The following GFRA1 variants were observed in gnomAD, a reference collection of about 807,000 sequenced individuals.
GFRA1 encodes GDNF family receptor alpha 1.
A neutral mutation model predicts 51.6 loss-of-function variants in GFRA1; 16 were observed. That is an observed-to-expected ratio of 0.31 (90% CI 0.21 to 0.47). GFRA1 has a LOEUF of 0.47. Among genes scored for constraint, GFRA1 ranks in the 20% least tolerant of loss-of-function variants. The pLI is 1.00. For missense variants in GFRA1, 530 were observed against 594.3 expected, an observed-to-expected ratio of 0.89 and a Z score of 1.13; for synonymous variants, 270 against 241.3, an observed-to-expected ratio of 1.12 and a Z score of -1.10.
chr10:116,195,245 A>T (rs1194451056), intron 5 of GFRA1, among the ~76,000 whole-genome samples: 1 of 152,140 alleles, frequency 6.6e-6, no homozygotes, highest in Non-Finnish European at 1.5e-5. Context: ...TTAACTTAGC[A>T]CTATCTTTTT....
chr10:116,104,570 C>T (rs1355472643), intron 6 of GFRA1, among the ~76,000 whole-genome samples: 1 of 152,224 alleles, frequency 6.6e-6, no homozygotes, highest in Non-Finnish European at 1.5e-5. Flanking sequence ...CCTTGGGTAT[C>T]TCTGCAGGTT....
Position 116,093,855 on chromosome 10 carries a change from G to A in GFRA1, c.881-19C>T, listed in dbSNP as rs752475464. ...ACTGTGCCTAAAAGAATAAAAACAA[G>A]GCATTTTATTGTTGTATGATGATAC... On this transcript the variant is annotated intron_variant, in intron 7 of 10. Transcript: ENST00000355422. 6.2e-7 allele frequency: 1 copy of A among 1,612,830 alleles called. No individual in the cohort carries two copies. Among genetic ancestry groups the A allele is most frequent in the South Asian group, 1.1e-5 (1 of 91,048 alleles).
intron 6 of GFRA1, among the ~76,000 whole-genome samples, chr10:116,106,977 T>G (rs1018831054): frequency 6.6e-6 from 1 of 152,216 alleles, no homozygotes; most frequent in Non-Finnish European, 1.5e-5. Flanking sequence ...CTTTGCCTAC[T>G]GCCATGATTA....
At chr10:116,236,896 CAAT>C (rs1024407595) in intron 4 of GFRA1, among the ~76,000 whole-genome samples, 2 of 152,176 alleles carry the variant, frequency 1.3e-5, no homozygotes, top group African/African-American at 4.8e-5. Context: ...ACCAGGACAA[CAAT>C]AATAGCAAAA....
chr10:116,079,076 G>T (rs927938476), intron 9 of GFRA1, among the ~76,000 whole-genome samples: 1 of 151,964 alleles, frequency 6.6e-6, no homozygotes, highest in African/African-American at 2.4e-5. Context: ...ATCATCCAGC[G>T]CGCTGGATGC....
chr10:116,080,025 A>T (rs1377754565), intron 9 of GFRA1, among the ~76,000 whole-genome samples: 1 of 152,112 alleles, frequency 6.6e-6, no homozygotes, highest in Non-Finnish European at 1.5e-5. Context: ...CCATAAAGCA[A>T]TGCCTCCTGA....
rs1471678205 is a variant in GFRA1, at chr10:116,058,419, T to C, written c.*5979A>G. ...TGACTTCCCCGCCGCTGTGCCTACC[T>C]GGCCAAGCTCATGGCCCTCTGAGGC... On this transcript the variant is annotated 3_prime_UTR_variant, in exon 11 of 11. Transcript: ENST00000355422. 1 of 152,318 alleles carries C rather than the reference T, an allele frequency of 6.6e-6. No homozygotes were observed. Among genetic ancestry groups the C allele is most frequent in the Non-Finnish European group, 1.5e-5 (1 of 68,146 alleles). 9.4% of individuals were successfully genotyped at this position (152,318 alleles called of 1,614,324 possible).
intron 5 of GFRA1, among the ~76,000 whole-genome samples, chr10:116,170,671 A>C (rs1163782531): frequency 6.6e-6 from 1 of 152,236 alleles, no homozygotes; most frequent in African/African-American, 2.4e-5. Context: ...GCTCAGATTC[A>C]ATTCTCCAAT....
rs559956268 is a variant in GFRA1, at chr10:116,206,710, G to A, written c.433+4921C>T. On this transcript the variant is annotated intron_variant, in intron 5 of 10. Coordinates refer to ENST00000355422, the MANE Select transcript of GFRA1 (RefSeq NM_005264.8). ...TGCAGCCGCGCGATCTCGGCTCACT[G>A]CAAGCTCCGCCTCCCGGGTTCACGC... 1.4e-3 allele frequency among the ~76,000 whole-genome samples: 197 copies of A among 139,384 alleles called. 1 individual carries two copies. Among genetic ancestry groups the A allele is most frequent in the African/African-American group, 5.0e-3 (186 of 37,334 alleles). 91.4% of individuals were successfully genotyped at this position (139,384 alleles called of 152,430 possible). A position where few individuals can be genotyped will look rare whatever the true frequency, so the allele number is the denominator to read the frequency against.
intron 6 of GFRA1, among the ~76,000 whole-genome samples, chr10:116,102,868 C>A (rs1369102406): frequency 6.6e-6 from 1 of 152,198 alleles, no homozygotes; most frequent in Non-Finnish European, 1.5e-5. Flanking sequence ...AACTTTGGGA[C>A]AGGATCCCCT....
At chr10:116,228,455 C>T (rs917824088) in intron 4 of GFRA1, among the ~76,000 whole-genome samples, 1 of 152,140 alleles carries the variant, frequency 6.6e-6, no homozygotes, top group Admixed American at 6.5e-5. Context: ...ATGTTCTAAT[C>T]CCTGGAATCT....
chr10:116,212,948 A>C (rs1046707512), intron 4 of GFRA1, among the ~76,000 whole-genome samples: 1 of 151,932 alleles, frequency 6.6e-6, no homozygotes, highest in Non-Finnish European at 1.5e-5. Context: ...CCTCCCACTC[A>C]CTCCAAAAGT....
intron 5 of GFRA1, among the ~76,000 whole-genome samples, chr10:116,140,799 T>A (rs2134091113): frequency 6.6e-6 from 1 of 152,228 alleles, no homozygotes; most frequent in East Asian, 1.9e-4. Context: ...AGAAAGGAAA[T>A]TATAAATGTG....
intron 5 of GFRA1, among the ~76,000 whole-genome samples, chr10:116,139,582 C>G (rs1017252974): frequency 2.0e-5 from 3 of 152,246 alleles, no homozygotes; most frequent in African/African-American, 7.2e-5. Flanking sequence ...CCGCTTTGTG[C>G]CTGGAGAGAT....
intron 9 of GFRA1, among the ~76,000 whole-genome samples, chr10:116,082,925 T>C (rs1955914736): frequency 6.6e-6 from 1 of 152,200 alleles, no homozygotes; most frequent in Non-Finnish European, 1.5e-5. Context: ...TCACCAACCA[T>C]GCCAATAGTG....
intron 9 of GFRA1, among the ~76,000 whole-genome samples, chr10:116,075,722 T>C (rs751354029): frequency 1.6e-4 from 24 of 152,276 alleles, no homozygotes; most frequent in African/African-American, 2.6e-4. Context: ...ATCAGTACAA[T>C]TGATGCTGTG....
intron 5 of GFRA1, among the ~76,000 whole-genome samples, chr10:116,126,732 A>G (rs914546345): frequency 1.3e-5 from 2 of 152,168 alleles, no homozygotes; most frequent in African/African-American, 4.8e-5. Context: ...CATGGATTCT[A>G]TGACCTCCTT....
intron 3 of GFRA1, among the ~76,000 whole-genome samples, chr10:116,270,314 T>C (rs1843798436): frequency 6.6e-6 from 1 of 152,192 alleles, no homozygotes; most frequent in Admixed American, 6.5e-5. Flanking sequence ...TTTTCACACA[T>C]CTGCCTTTGA....
chr10:116,213,091 CTAGAAGA>C (rs1486555629), intron 4 of GFRA1, among the ~76,000 whole-genome samples: 3 of 152,170 alleles, frequency 2.0e-5, no homozygotes, highest in African/African-American at 7.2e-5. Context: ...AATGAAACTT[CTAGAAGA>C]TAGTTTGATG....
Sources: gnomAD v4.1 joint callset for allele counts (sites outside exome capture counted in the v4.1 genomes callset) on GRCh38, gnomAD v4.1.1 for gene constraint, MANE v1.5 for transcripts, NCBI Gene and HGNC (gene_info 2026-07-23, HGNC 2026-07-21) for gene names.